TMEM68: variants seen among roughly 807,000 people sequenced by gnomAD.
TMEM68 encodes transmembrane protein 68.
In TMEM68, 25 loss-of-function variants were observed where a neutral mutation model predicts 36.9. That is an observed-to-expected ratio of 0.68 (90% CI 0.49 to 0.95). The LOEUF (loss-of-function observed/expected upper bound fraction) is 0.95. Ranked by LOEUF, TMEM68 falls within the 40% of genes least tolerant of loss-of-function variation. TMEM68 has a pLI of 0.00. For missense variants in TMEM68, 333 were observed against 392.0 expected (o/e 0.85, Z 1.27); for synonymous variants, 131 against 124.4 (o/e 1.05, Z -0.35).
intron 1 of TMEM68, among the ~76,000 whole-genome samples, chr8:55,765,213 C>T (rs1810927234): frequency 6.6e-6 from 1 of 152,180 alleles, no homozygotes. Flanking sequence ...CCCTACTGGA[C>T]CTAGTTTTGT....
intron 1 of TMEM68, among the ~76,000 whole-genome samples, chr8:55,766,253 T>C (rs1213698314): frequency 6.6e-6 from 1 of 151,818 alleles, no homozygotes; most frequent in Non-Finnish European, 1.5e-5. Flanking sequence ...GAACAGCAAG[T>C]GCAAAATATG....
chr8:55,746,401 CA>C (rs1810280885), intron 5 of TMEM68: 1 of 146,896 alleles, frequency 6.8e-6, no homozygotes, highest in Non-Finnish European at 1.5e-5. Flanking sequence ...TTTTATTCTC[CA>C]AAAATATCAA....
At position 55,751,000 on chromosome 8, in the gene TMEM68, G is replaced by A. The variant is rs768427618; in HGVS notation, c.651C>T (p.Arg217=). 1.1e-5 allele frequency: 18 copies of A among 1,612,934 alleles called. No homozygotes were observed. Among genetic ancestry groups the A allele is most frequent in the Middle Eastern group, 3.3e-4 (2 of 6,082 alleles). Reference sequence around the variant, plus strand: ...CAATTGCAACCTGAGCAAAGCCTCTGCGATGACCCCATACGATGTTATAAG... The same window carrying A: ...CAATTGCAACCTGAGCAAAGCCTCTACGATGACCCCATACGATGTTATAAG... ...DETYNIVWGH[R]RGFAQVAIDA... The change falls in exon 5 of 8, where the codon CGC becomes CGT. Residue 217 remains arginine, a synonymous_variant. Coordinates refer to ENST00000434581, the MANE Select transcript of TMEM68 (RefSeq NM_001286657.2).
rs144815186 is a variant in TMEM68 at position 55,756,341 on chromosome 8, A to C, written c.396T>G (p.Ala132=). 1,915 of 1,605,680 alleles carry C rather than the reference A, an allele frequency of 1.2e-3. No individual in the cohort carries two copies. Among genetic ancestry groups the C allele is most frequent in the Non-Finnish European group, 1.4e-3 (1,695 of 1,177,228 alleles). The change falls in exon 4 of 8, where the codon GCT becomes GCG. Residue 132 remains alanine, a synonymous_variant. Transcript: ENST00000434581. ...TGAAATAGTAAAAATCTATAGGAAT[A>C]GCTCCATGATAAAAAATTATAAGTG... ...GPALIIFYHG[A]IPIDFYYFMA...
rs1810044183 is a variant in TMEM68, at chr8:55,739,839, TA to T, written c.*292del. ...ATTATCCAGGAATGTTTGTTTAACC[TA>T]AACTGCTGTTATTAATAAACTTAAG... On this transcript the variant is annotated 3_prime_UTR_variant, in exon 8 of 8. Coordinates refer to ENST00000434581, the MANE Select transcript of TMEM68 (RefSeq NM_001286657.2). 3.2e-6 allele frequency: 1 copy of T among 312,250 alleles called. No individual in the cohort carries two copies. The highest frequency in any genetic ancestry group is 4.3e-5 in the South Asian group (1 of 23,160). 19.3% of individuals were successfully genotyped at this position (312,250 alleles called of 1,614,324 possible).
intron 3 of TMEM68, among the ~76,000 whole-genome samples, chr8:55,758,082 G>A (rs947105621): frequency 5.3e-5 from 8 of 152,156 alleles, no homozygotes; most frequent in African/African-American, 1.9e-4. Context: ...TGGGGTCGCA[G>A]GAGGGGCGTG....
chr8:55,753,860 G>C (rs915957810), intron 4 of TMEM68, among the ~76,000 whole-genome samples: 6 of 152,210 alleles, frequency 3.9e-5, no homozygotes, highest in Admixed American at 2.0e-4. Context: ...GGGAGGCCAA[G>C]GCGGGCGGAT....
chr8:55,766,374 T>C (rs1250603426), intron 1 of TMEM68, among the ~76,000 whole-genome samples: 1 of 88,128 alleles, frequency 1.1e-5, no homozygotes, highest in Admixed American at 1.1e-4. Flanking sequence ...CTATGCACGC[T>C]TTTTTTTTTT....
At chr8:55,769,455 A>G (rs1340421205) in intron 1 of TMEM68, among the ~76,000 whole-genome samples, 1 of 152,136 alleles carries the variant, frequency 6.6e-6, no homozygotes, top group Non-Finnish European at 1.5e-5. Context: ...GACTAGGCCA[A>G]AGGGGACAGG....
chr8:55,746,423 T>C (rs1006247636), intron 5 of TMEM68: 5 of 151,104 alleles, frequency 3.3e-5, no homozygotes, highest in Non-Finnish European at 7.4e-5. Flanking sequence ...TGATTCAGTA[T>C]ATTTTTAATA....
chr8:55,753,522 TA>T, intron 4 of TMEM68, among the ~76,000 whole-genome samples: 1 of 152,362 alleles, frequency 6.6e-6, no homozygotes, highest in South Asian at 2.1e-4. Flanking sequence ...ACAATATGTT[TA>T]TACACAAATG....
chr8:55,745,186 G>T, intron 5 of TMEM68, 65 bp from the exon 6 acceptor site: 3 of 1,099,642 alleles, frequency 2.7e-6, no homozygotes, highest in Non-Finnish European at 3.7e-6. Context: ...CTCCATTAGA[G>T]TAACTAATGC....
intron 4 of TMEM68, among the ~76,000 whole-genome samples, chr8:55,755,647 CTAAT>C (rs1374592971): frequency 3.3e-5 from 5 of 150,630 alleles, no homozygotes; most frequent in African/African-American, 1.2e-4. Context: ...TTATCAAACT[CTAAT>C]TATAACAAAA....
Position 55,769,018 on chromosome 8 carries a change from T to TAAAAAAAAAAAAAAAA in TMEM68, c.-115+4235_-115+4250dup, listed in dbSNP as rs200493179. Among the ~76,000 whole-genome samples the TAAAAAAAAAAAAAAAA allele has an allele frequency of 3.5e-4, 29 of 82,074 alleles. 1 individual carries two copies. The highest frequency in any genetic ancestry group is 1.4e-3 in the East Asian group (4 of 2,852). 53.8% of individuals were successfully genotyped at this position (82,074 alleles called of 152,430 possible). A position where few individuals can be genotyped will look rare whatever the true frequency, so the allele number is the denominator to read the frequency against. Reference sequence around the variant, plus strand: ...GTGAAAGAGCAAGAGACTCTGTCTTTAAAAAAAAAAAAAAAAAAAAAAAGG... The same window carrying TAAAAAAAAAAAAAAAA: ...GTGAAAGAGCAAGAGACTCTGTCTTTAAAAAAAAAAAAAAAAAAAAAAAAAAAAAAAAAAAAAAAGG... On this transcript the variant is annotated intron_variant, in intron 1 of 7. Coordinates refer to ENST00000434581, the MANE Select transcript of TMEM68 (RefSeq NM_001286657.2).
At chr8:55,753,941 A>G (rs1241507138) in intron 4 of TMEM68, among the ~76,000 whole-genome samples, 1 of 151,620 alleles carries the variant, frequency 6.6e-6, no homozygotes, top group Non-Finnish European at 1.5e-5. Flanking sequence ...AAAGTACAAA[A>G]ATTAGCCAGG....
At chr8:55,759,467 C>A (rs189216210) in intron 3 of TMEM68, among the ~76,000 whole-genome samples, 1 of 151,658 alleles carries the variant, frequency 6.6e-6, no homozygotes, top group Non-Finnish European at 1.5e-5. Context: ...GCTACTCGGG[C>A]GGCTCAGGCA....
At chr8:55,754,778 TATTA>T (rs1005044241) in intron 4 of TMEM68, among the ~76,000 whole-genome samples, 2 of 84,818 alleles carry the variant, frequency 2.4e-5, no homozygotes, top group Admixed American at 1.9e-4. Context: ...TATATATTTA[TATTA>T]TATATAAAAT....
At chr8:55,754,142 C>T (rs1054847871) in intron 4 of TMEM68, among the ~76,000 whole-genome samples, 2 of 133,010 alleles carry the variant, frequency 1.5e-5, no homozygotes, top group African/African-American at 5.7e-5. Context: ...ACACATATGG[C>T]CAGCTAGGCA....
chr8:55,760,831 C>G (rs145092491), intron 3 of TMEM68: 1 of 152,102 alleles, frequency 6.6e-6, no homozygotes, highest in Non-Finnish European at 1.5e-5. Context: ...CATATTATAT[C>G]ATTTCTTTCC....
Sources: allele counts gnomAD v4.1 joint callset (sites outside exome capture counted in the v4.1 genomes callset), GRCh38; gene constraint gnomAD v4.1.1; transcripts MANE v1.5; gene names NCBI Gene and HGNC (gene_info 2026-07-23, HGNC 2026-07-21).